STX12: variants seen among roughly 807,000 people sequenced by gnomAD.
STX12 encodes syntaxin 12.
STX12 carries 17 observed loss-of-function variants against 42.2 expected under a neutral mutation model. The ratio of observed to expected loss-of-function variants is 0.40; its 90% confidence interval spans 0.28 to 0.60. The LOEUF (loss-of-function observed/expected upper bound fraction) is 0.60. Ranked by LOEUF, STX12 falls within the 20% of genes least tolerant of loss-of-function variation. The pLI is 0.39. For missense variants in STX12, 297 were observed against 330.9 expected (o/e 0.90, Z 0.79); for synonymous variants, 108 against 116.7 (o/e 0.93, Z 0.48).
At chr1:27,782,810 T>C (rs1434788459) in intron 1 of STX12, among the ~76,000 whole-genome samples, 1 of 152,188 alleles carries the variant, frequency 6.6e-6, no homozygotes, top group Non-Finnish European at 1.5e-5. Flanking sequence ...CACTCCAACC[T>C]GGGCAAAGAG....
At chr1:27,788,837 C>T (rs570958678) in intron 1 of STX12, among the ~76,000 whole-genome samples, 1 of 152,106 alleles carries the variant, frequency 6.6e-6, no homozygotes, top group South Asian at 2.1e-4. Flanking sequence ...TGGTGAAAAC[C>T]CGTCTCTACT....
chr1:27,782,963 A>C (rs1373816558), intron 1 of STX12, among the ~76,000 whole-genome samples: 1 of 152,138 alleles, frequency 6.6e-6, no homozygotes, highest in Non-Finnish European at 1.5e-5. Context: ...ATAGGCTATC[A>C]TTTTCTCATT....
chr1:27,799,058 G>A (rs1034092351), intron 3 of STX12, among the ~76,000 whole-genome samples: 1 of 152,046 alleles, frequency 6.6e-6, no homozygotes, highest in Non-Finnish European at 1.5e-5. Flanking sequence ...GTAAGGTTAG[G>A]GAATGATGTC....
At chr1:27,793,964 TTA>T (rs1389126230) in intron 3 of STX12, among the ~76,000 whole-genome samples, 1 of 151,926 alleles carries the variant, frequency 6.6e-6, no homozygotes, top group Non-Finnish European at 1.5e-5. Flanking sequence ...GCTAGCAGTT[TTA>T]TGTTTGTAGG....
chr1:27,822,112 G>T, intron 8 of STX12, 119 bp from the exon 9 acceptor site: 1 of 667,340 alleles, frequency 1.5e-6, no homozygotes, highest in Non-Finnish European at 2.7e-6. Context: ...GCATAATTTT[G>T]CATGGATAGA....
At chr1:27,800,495 GT>G (rs2088820255) in intron 3 of STX12, among the ~76,000 whole-genome samples, 2 of 110,348 alleles carry the variant, frequency 1.8e-5, no homozygotes, top group Admixed American at 8.4e-5. Flanking sequence ...TGTGGTGTGT[GT>G]GTGTGTGTGT....
At chr1:27,792,140 A>ATACATATATATG (rs2088747286) in intron 2 of STX12, among the ~76,000 whole-genome samples, 1 of 112,594 alleles carries the variant, frequency 8.9e-6, no homozygotes, top group African/African-American at 6.3e-5. Context: ...ATATATGTAT[A>ATACATATATATG]TATCTATATA....
At chr1:27,799,481 T>TG (rs2088811910) in intron 3 of STX12, among the ~76,000 whole-genome samples, 2 of 148,560 alleles carry the variant, frequency 1.3e-5, no homozygotes, top group African/African-American at 5.2e-5. Flanking sequence ...TAGCTTGTTT[T>TG]TTTTTTTGTT....
chr1:27,774,883 A>T (rs1194352731), intron 1 of STX12, among the ~76,000 whole-genome samples: 1 of 152,164 alleles, frequency 6.6e-6, no homozygotes, highest in Non-Finnish European at 1.5e-5. Flanking sequence ...TATGTTGCCC[A>T]GGCTCACTTT....
intron 1 of STX12, among the ~76,000 whole-genome samples, chr1:27,785,864 C>T (rs1184744807): frequency 6.6e-6 from 1 of 152,154 alleles, no homozygotes; most frequent in Non-Finnish European, 1.5e-5. Context: ...CCATAGGTGC[C>T]AGGGAGCTGG....
chr1:27,804,803 T>TC (rs1258122457), intron 4 of STX12, among the ~76,000 whole-genome samples: 2 of 149,026 alleles, frequency 1.3e-5, no homozygotes, highest in Non-Finnish European at 3.0e-5. Context: ...AGAGTGAGAC[T>TC]CCATCTCAAA....
chr1:27,801,915 T>G (rs1042677526), intron 4 of STX12, 100 bp downstream of exon 4: 8 of 1,434,480 alleles, frequency 5.6e-6, no homozygotes, highest in Non-Finnish European at 5.6e-6. Flanking sequence ...AACATGTAAG[T>G]TAGCTGCTGT....
chr1:27,816,776 C>T (rs1161627733), intron 6 of STX12, among the ~76,000 whole-genome samples: 3 of 151,816 alleles, frequency 2.0e-5, no homozygotes, highest in Admixed American at 2.0e-4. Context: ...ATTATCCGGG[C>T]GTGGTGGCAT....
At chr1:27,810,135 T>C (rs2088893073) in intron 4 of STX12, 111 bp from the exon 5 acceptor site, 3 of 907,378 alleles carry the variant, frequency 3.3e-6, no homozygotes, top group Admixed American at 2.1e-5. Flanking sequence ...TTACAGATTC[T>C]GTGGGTGTCA....
chr1:27,792,158 CTA>C, intron 2 of STX12, among the ~76,000 whole-genome samples: 1 of 100,126 alleles, frequency 1.0e-5, no homozygotes, highest in South Asian at 3.0e-4. Context: ...ATATGTGTAT[CTA>C]TATATGTATA....
In STX12 at chr1:27,822,311, A is replaced by G. The variant is rs761428973; in HGVS notation, c.813A>G (p.Leu271=). ...IILILGLIIW[L]VYKTK ...TAATCTTGGGACTTATTATCTGGCTAGTTTATAAAACGAAGTGATTGCCTC... is the reference window on the plus strand; with the variant it reads ...TAATCTTGGGACTTATTATCTGGCTGGTTTATAAAACGAAGTGATTGCCTC... The change falls in exon 9 of 9, where the codon CTA becomes CTG. Residue 271 remains leucine (L), a synonymous_variant. Coordinates refer to ENST00000373943, the MANE Select transcript of STX12 (RefSeq NM_177424.3). 6 of 1,611,570 alleles carry G rather than the reference A, an allele frequency of 3.7e-6. No homozygotes were observed. Among genetic ancestry groups the G allele is most frequent in the African/African-American group, 1.3e-5 (1 of 74,892 alleles).
intron 8 of STX12, among the ~76,000 whole-genome samples, chr1:27,821,575 A>G (rs1290525589): frequency 6.6e-6 from 1 of 151,752 alleles, no homozygotes; most frequent in Non-Finnish European, 1.5e-5. Context: ...TTTTTTTTAC[A>G]ATGAACATAA....
At chr1:27,798,962 A>AC (rs891706828) in intron 3 of STX12, among the ~76,000 whole-genome samples, 6 of 151,838 alleles carry the variant, frequency 4.0e-5, no homozygotes, top group African/African-American at 1.5e-4. Flanking sequence ...TCAAAAAAAA[A>AC]AAAAACAAAA....
In STX12 at chr1:27,823,817, G is replaced by T. The variant is rs761170763; in HGVS notation, c.*1488G>T. 1.3e-5 allele frequency: 2 copies of T among 152,556 alleles called. No individual in the cohort carries two copies. The highest frequency in any genetic ancestry group is 2.4e-5 in the African/African-American group (1 of 41,434). 9.5% of individuals were successfully genotyped at this position (152,556 alleles called of 1,614,324 possible). A position where few individuals can be genotyped will look rare whatever the true frequency, so the allele number is the denominator to read the frequency against. On this transcript the variant is annotated 3_prime_UTR_variant, in exon 9 of 9. Transcript: ENST00000373943. ...AACATCCTAATGTGGTAGGTATTAG[G>T]TAATGTGCTGTCATGAGAAAAATTG...
Sources: gnomAD v4.1 joint callset for allele counts (sites outside exome capture counted in the v4.1 genomes callset) on GRCh38, gnomAD v4.1.1 for gene constraint, MANE v1.5 for transcripts, NCBI Gene and HGNC (gene_info 2026-07-23, HGNC 2026-07-21) for gene names.